The following ZMYM3 variants were observed in gnomAD, a reference collection of about 807,000 sequenced individuals.
The protein encoded by ZMYM3 is zinc finger MYM-type protein 3.
In ZMYM3, 6 loss-of-function variants were observed where a neutral mutation model predicts 94.2. That is an observed-to-expected ratio of 0.06 (90% CI 0.03 to 0.13). The LOEUF (loss-of-function observed/expected upper bound fraction) is 0.13. Among genes scored for constraint, ZMYM3 ranks in the 10% least tolerant of loss-of-function variants. The pLI is 1.00. For synonymous variants in ZMYM3, 420 were observed against 426.5 expected, an observed-to-expected ratio of 0.98 and a Z score of 0.19; for missense variants, 664 against 1,132.6, an observed-to-expected ratio of 0.59 and a Z score of 5.94.
intron 13 of ZMYM3, among the ~76,000 whole-genome samples, chrX:71,247,053 C>G (rs140963381): frequency 3.1e-4 from 34 of 111,255 alleles, no homozygotes; most frequent in African/African-American, 1.0e-3. Context: ...ATTTCCTTAT[C>G]TCAGAAACGT....
intron 6 of ZMYM3, 151 bp from the exon 7 acceptor site, chrX:71,249,830 G>T: frequency 1.9e-6 from 2 of 1,076,472 alleles, no homozygotes; most frequent in Non-Finnish European, 2.4e-6. Context: ...CGACTTGATG[G>T]TGAGGTCCTG....
chrX:71,243,805 A>G, intron 21 of ZMYM3, 24 bp downstream of exon 21: 3 of 1,208,678 alleles, frequency 2.5e-6, no homozygotes, highest in East Asian at 5.9e-5. Flanking sequence ...AGTGACAGGA[A>G]GTGAGGTGGT....
In ZMYM3 at chrX:71,247,429, T is replaced by G; in HGVS notation, c.2230A>C (p.Asn744His). 1 of 1,210,354 alleles carries G rather than the reference T, an allele frequency of 8.3e-7. No homozygotes were observed. Residue 744 changes from asparagine to histidine, a missense_variant, in exon 13 of 25, where the codon AAC becomes CAC. Physicochemically the swap from Asn to His is moderately conservative, Grantham distance 68. Transcript: ENST00000314425. ...TAGAAACGCAGAAGACACTGCTGGT[T>G]GCAGAAATGACGGATCTGCCCACGC... is the stretch of plus-strand genomic sequence containing the variant. ...HWRGQIRHFCNQQCLLRFYSQ... is the reference protein window; with the variant it reads ...HWRGQIRHFCHQQCLLRFYSQ...
intron 13 of ZMYM3, 37 bp from the exon 14 acceptor site, chrX:71,246,729 G>A (rs1272637373): frequency 1.7e-6 from 2 of 1,152,617 alleles, no homozygotes; most frequent in East Asian, 3.0e-5. Context: ...TCATCCAAGG[G>A]ACTAGCTCTC....
intron 19 of ZMYM3, 75 bp from the exon 20 acceptor site, chrX:71,244,545 T>C (rs746541262): frequency 3.1e-5 from 35 of 1,113,915 alleles, no homozygotes; most frequent in Non-Finnish European, 3.7e-5. Context: ...AGCACCATAT[T>C]TACTGCTGGC....
Position 71,246,462 on chromosome X carries a change from T to TGGGGGG in ZMYM3, c.2462_2463insCCCCCC (p.Pro823_Pro824dup). 1 of 57,920 alleles carries TGGGGGG rather than the reference T, an allele frequency of 1.7e-5. No homozygotes were observed. The highest frequency in any genetic ancestry group is 3.6e-4 in the Admixed American group (1 of 2,791). The allele number at this position is 57,920 out of a possible 1,213,427, so 4.8% of individuals were successfully genotyped here. A position where few individuals can be genotyped will look rare whatever the true frequency, so the allele number is the denominator to read the frequency against. ...TTTTGCGGGGTGTTGCTGGGGGTGGTGGGGGTGGAGGGGTGGGAGCAGTGG... is the reference window on the plus strand; with the variant it reads ...TTTTGCGGGGTGTTGCTGGGGGTGGTGGGGGGGGGGGTGGAGGGGTGGGAGCAGTGG... On this transcript the variant is annotated inframe_insertion, in exon 15 of 25. Coordinates refer to ENST00000314425, the MANE Select transcript of ZMYM3 (RefSeq NM_201599.3).
Position 71,245,789 on chromosome X carries a change from T to A in ZMYM3, c.2739A>T (p.Val913=). 8.3e-7 allele frequency: 1 copy of A among 1,211,618 alleles called. No homozygotes were observed. The highest frequency in any genetic ancestry group is 3.0e-5 in the East Asian group (1 of 33,847). Residue 913 remains valine, a synonymous_variant, in exon 17 of 25, where the codon GTA becomes GTT. Coordinates refer to ENST00000314425, the MANE Select transcript of ZMYM3 (RefSeq NM_201599.3). ...PTTLESTDKI[V]ETIEELKVKI... is the part of the protein sequence containing the mutation. ...TCACCTTCAGCTCCTCAATGGTCTC[T>A]ACAATCTTGTCTGTGCTCTCCAAGG...
At chrX:71,245,941 G>A (rs2030151570) in intron 16 of ZMYM3, 45 bp downstream of exon 16, 2 of 1,196,305 alleles carry the variant, frequency 1.7e-6, no homozygotes, top group Non-Finnish European at 2.3e-6. Flanking sequence ...GTTGATGAGA[G>A]TAAGGGGAAA....
chrX:71,247,473 A>G lies in ZMYM3; in HGVS notation c.2186T>C (p.Leu729Pro). 1 of 1,211,637 alleles carries G rather than the reference A, an allele frequency of 8.3e-7. No individual in the cohort carries two copies. Among genetic ancestry groups the G allele is most frequent in the South Asian group, 1.8e-5 (1 of 56,768 alleles). ...RCHACKRQGK[L>P]LETIHWRGQI... ...CCCACGCCAGTGGATGGTCTCCAGC[A>G]GCTTCCCCTGGCGCTTACACGCATG... is the stretch of plus-strand genomic sequence containing the variant. The change falls in exon 13 of 25, where the codon CTG becomes CCG. Residue 729 changes from leucine to proline, a missense_variant. Coordinates refer to ENST00000314425, the MANE Select transcript of ZMYM3 (RefSeq NM_201599.3).
chrX:71,249,270 A>G, intron 7 of ZMYM3, 101 bp from the exon 8 acceptor site: 1 of 1,172,001 alleles, frequency 8.5e-7, no homozygotes, highest in Non-Finnish European at 1.1e-6. Flanking sequence ...CAAAAAAAGT[A>G]TAGATGATGA....
At chrX:71,246,728 G>C in intron 13 of ZMYM3, 36 bp from the exon 14 acceptor site, 2 of 1,154,337 alleles carry the variant, frequency 1.7e-6, no homozygotes, top group East Asian at 3.0e-5. Flanking sequence ...CTCATCCAAG[G>C]GACTAGCTCT....
rs1313026225 is a variant in ZMYM3 at position 71,240,811 on chromosome X, G to C, written c.*105C>G. On this transcript the variant is annotated 3_prime_UTR_variant, in exon 25 of 25. Coordinates refer to ENST00000314425, the MANE Select transcript of ZMYM3 (RefSeq NM_201599.3). ...ATGGGTGAGCGGAAAGGAGCAGTCA[G>C]GGCCCTTCAGAATGAGTAGCATTGG... 15 of 887,356 alleles carry C rather than the reference G, an allele frequency of 1.7e-5. No individual in the cohort carries two copies. In the Admixed American group the frequency reaches 3.9e-4, roughly 23 times the overall value. The allele number at this position is 887,356 out of a possible 1,213,427, so 73.1% of individuals were successfully genotyped here. A position where few individuals can be genotyped will look rare whatever the true frequency, so the allele number is the denominator to read the frequency against.
intron 6 of ZMYM3, 97 bp from the exon 7 acceptor site, chrX:71,249,776 CAG>C: frequency 8.9e-7 from 1 of 1,124,728 alleles, no homozygotes; most frequent in Non-Finnish European, 1.2e-6. Flanking sequence ...ACCTTCACAG[CAG>C]ACAGTGGGCC....
intron 21 of ZMYM3, chrX:71,243,608 CTTT>C: frequency 5.4e-6 from 2 of 368,831 alleles, no homozygotes; most frequent in Non-Finnish European, 9.2e-6. Context: ...AGAATAACTG[CTTT>C]TTTTTTTCAT....
Position 71,246,501 on chromosome X carries a change from C to T in ZMYM3, c.2424G>A (p.Lys808=), listed in dbSNP as rs1208151373. 8.5e-7 allele frequency: 1 copy of T among 1,170,622 alleles called. No individual in the cohort carries two copies. Among genetic ancestry groups the T allele is most frequent in the African/African-American group, 1.8e-5 (1 of 56,869 alleles). ...ENGNLGKIPV[K]TRSAPTAPTP... is the part of the protein sequence containing the mutation. The stretch of plus-strand genomic sequence containing the variant: ...TGGGAGCAGTGGGAGCTGATCGGGT[C>T]TTCACAGGGATCTGCAAAGACAGAG... The change falls in exon 15 of 25, where the codon AAG becomes AAA. Residue 808 remains lysine (K), a synonymous_variant. Coordinates refer to ENST00000314425, the MANE Select transcript of ZMYM3 (RefSeq NM_201599.3).
chrX:71,240,805 C>T lies in ZMYM3; in HGVS notation c.*111G>A. 1.2e-6 allele frequency: 1 copy of T among 813,126 alleles called. No individual in the cohort carries two copies. The highest frequency in any genetic ancestry group is 1.8e-6 in the Non-Finnish European group (1 of 567,453). The allele number at this position is 813,126 out of a possible 1,213,427, so 67.0% of individuals were successfully genotyped here. ...CAGGGAATGGGTGAGCGGAAAGGAGCAGTCAGGGCCCTTCAGAATGAGTAG... is the reference window on the plus strand; with the variant it reads ...CAGGGAATGGGTGAGCGGAAAGGAGTAGTCAGGGCCCTTCAGAATGAGTAG... On this transcript the variant is annotated 3_prime_UTR_variant, in exon 25 of 25. Coordinates refer to ENST00000314425, the MANE Select transcript of ZMYM3 (RefSeq NM_201599.3).
At chrX:71,247,644 G>A in intron 12 of ZMYM3, 90 bp downstream of exon 12, 1 of 1,144,516 alleles carries the variant, frequency 8.7e-7, no homozygotes, top group East Asian at 3.0e-5. Context: ...TGCCCTCCCT[G>A]GAGATCTGTC....
In ZMYM3 at chrX:71,241,007, C is replaced by G; in HGVS notation, c.4022G>C (p.Arg1341Pro). 1 of 1,211,330 alleles carries G rather than the reference C, an allele frequency of 8.3e-7. No individual in the cohort carries two copies. The highest frequency in any genetic ancestry group is 1.7e-5 in the African/African-American group (1 of 57,695). The stretch of plus-strand genomic sequence containing the variant: ...ATTGAGCATGCTCTCCAACATGCTG[C>G]GGTCCATGGGGATCACAGAATACCA... ...PLWYSVIPMDRSMLESMLNRI... is the reference protein window; with the variant it reads ...PLWYSVIPMDPSMLESMLNRI... The change falls in exon 25 of 25, where the codon CGC (arginine) becomes CCC (proline). Residue 1341 changes from arginine to proline, a missense_variant. Coordinates refer to ENST00000314425, the MANE Select transcript of ZMYM3 (RefSeq NM_201599.3).
At position 71,248,302 on chromosome X, in the gene ZMYM3, A is replaced by G. The variant is rs145088788; in HGVS notation, c.1835T>C (p.Phe612Ser). The change falls in exon 11 of 25, where the codon TTC becomes TCC. Residue 612 changes from phenylalanine (F) to serine (S), a missense_variant. By Grantham distance (155) the Phe-to-Ser change is radical (BLOSUM62 -2). Coordinates refer to ENST00000314425, the MANE Select transcript of ZMYM3 (RefSeq NM_201599.3). ...PEVLDWQDQV[F>S]QFCCRDCCED... The stretch of plus-strand genomic sequence containing the variant: ...ACAGCAATCACGGCAGCAGAACTGG[A>G]ACACTTGGTCCTGAGGTGGGGGCAC... The G allele has an allele frequency of 5.8e-6, 7 of 1,203,719 alleles. No individual in the cohort carries two copies. Among genetic ancestry groups the G allele is most frequent in the Non-Finnish European group, 6.7e-6 (6 of 891,068 alleles).
Sources: allele counts gnomAD v4.1 joint callset (sites outside exome capture counted in the v4.1 genomes callset), GRCh38; gene constraint gnomAD v4.1.1; transcripts MANE v1.5; gene names NCBI Gene and HGNC (gene_info 2026-07-23, HGNC 2026-07-21).